Variants in DLG5 observed in about 807,000 individuals in gnomAD.
DLG5 encodes disks large homolog 5.
In DLG5, 48 loss-of-function variants were observed where a neutral mutation model predicts 189.8. The ratio of observed to expected loss-of-function variants is 0.25; its 90% CI spans 0.20 to 0.32. The LOEUF (loss-of-function observed/expected upper bound fraction) is 0.32, where lower values mean the gene tolerates loss of function less well. DLG5 is among the 10% of genes least tolerant of loss of function. The probability of loss-of-function intolerance (pLI) is 1.00; values close to 1 mark genes in which losing one functional copy is unlikely to be tolerated. For missense variants in DLG5, 2,160 were observed against 2,544.7 expected, an observed-to-expected ratio of 0.85 and a Z score of 3.25; for synonymous variants, 1,016 against 1,054.1, an observed-to-expected ratio of 0.96 and a Z score of 0.70.
intron 1 of DLG5, among the ~76,000 whole-genome samples, chr10:77,886,951 G>A (rs764475238): frequency 4.6e-5 from 7 of 152,266 alleles, no homozygotes; most frequent in East Asian, 3.9e-4. Context: ...CCCATCTGAC[G>A]CCCTGACCTT....
intron 1 of DLG5, among the ~76,000 whole-genome samples, chr10:77,907,747 A>C (rs1161781960): frequency 6.6e-6 from 1 of 152,184 alleles, no homozygotes; most frequent in Non-Finnish European, 1.5e-5. Context: ...CAATTTGGCC[A>C]TGGTCACGGT....
In DLG5 at chr10:77,792,089, C is replaced by T; in HGVS notation, c.*351G>A. ...GGCAACATGGAGCCGTTCAAGTAAACATAAACCACCAAATACTTAGAAAAG... is the reference window on the plus strand; with the variant it reads ...GGCAACATGGAGCCGTTCAAGTAAATATAAACCACCAAATACTTAGAAAAG... On this transcript the variant is annotated 3_prime_UTR_variant, in exon 32 of 32. Coordinates refer to ENST00000372391, the MANE Select transcript of DLG5 (RefSeq NM_004747.4). 2 of 263,448 alleles carry T rather than the reference C, an allele frequency of 7.6e-6. No homozygotes were observed. The highest frequency in any genetic ancestry group is 1.4e-5 in the Non-Finnish European group (2 of 138,446). The allele number at this position is 263,448 out of a possible 1,614,324, so 16.3% of individuals were successfully genotyped here.
At chr10:77,856,501 A>G (rs1021772322) in intron 3 of DLG5, among the ~76,000 whole-genome samples, 2 of 152,072 alleles carry the variant, frequency 1.3e-5, no homozygotes, top group Non-Finnish European at 2.9e-5. Context: ...GCACACAAGC[A>G]CACCACTATC....
chr10:77,890,734 C>G (rs1427336315), intron 1 of DLG5, among the ~76,000 whole-genome samples: 1 of 152,192 alleles, frequency 6.6e-6, no homozygotes. Context: ...CAAGGTAGCG[C>G]TGGAGTAGTT....
At chr10:77,915,991 T>C (rs1846346201) in intron 1 of DLG5, among the ~76,000 whole-genome samples, 1 of 151,990 alleles carries the variant, frequency 6.6e-6, no homozygotes, top group Non-Finnish European at 1.5e-5. Context: ...TATTCAATAA[T>C]GGATTGTTTG....
the DLG5 span, among the ~76,000 whole-genome samples, chr10:77,932,972 T>C: frequency 2.6e-5 from 4 of 152,300 alleles, no homozygotes; most frequent in Admixed American, 2.6e-4. Flanking sequence ...AGAAAAAAGA[T>C]GCCCCTGCTC....
chr10:77,822,622 G>A (rs560654202), intron 14 of DLG5, among the ~76,000 whole-genome samples: 2 of 152,208 alleles, frequency 1.3e-5, no homozygotes, highest in Non-Finnish European at 1.5e-5. Flanking sequence ...CAGTCTGGGC[G>A]ACACAATGAG....
At chr10:77,900,011 G>T (rs144919526) in intron 1 of DLG5, among the ~76,000 whole-genome samples, 2 of 152,314 alleles carry the variant, frequency 1.3e-5, no homozygotes, top group African/African-American at 2.4e-5. Context: ...GACTTTAAAA[G>T]GAAGAGATAA....
chr10:77,825,501 C>T (rs1402151334), intron 13 of DLG5, among the ~76,000 whole-genome samples: 1 of 151,854 alleles, frequency 6.6e-6, no homozygotes, highest in Non-Finnish European at 1.5e-5. Context: ...GTACATAGGA[C>T]CCCCCTGTAC....
chr10:77,881,986 C>A (rs1031441178), intron 1 of DLG5, among the ~76,000 whole-genome samples: 1 of 152,076 alleles, frequency 6.6e-6, no homozygotes. Flanking sequence ...TTTCTGCCCC[C>A]TCTTTCTTCA....
At chr10:77,930,099 C>T (rs1048504928), upstream of DLG5, among the ~76,000 whole-genome samples, 4 of 152,132 alleles carry the variant, frequency 2.6e-5, no homozygotes, top group Non-Finnish European at 4.4e-5. Flanking sequence ...GTGTATCCCT[C>T]TCCTCCCCTG....
In DLG5 at chr10:77,835,851, C is replaced by T. The variant is rs1340124466; in HGVS notation, c.1509G>A (p.Lys503=). ...CTTCCTTCAGCTCCTGGCACAGAGC[C>T]TTGCACTGCTTTCGAAGGATTTCAA... ...KEVEILRKQC[K]ALCQELKEAL... The change falls in exon 8 of 32, where the codon AAG becomes AAA. Residue 503 remains lysine, a synonymous_variant. Transcript: ENST00000372391. 1.9e-6 allele frequency: 3 copies of T among 1,614,092 alleles called. No individual in the cohort carries two copies. The highest frequency in any genetic ancestry group is 2.2e-5 in the East Asian group (1 of 44,876).
chr10:77,820,986 G>T, intron 15 of DLG5, 96 bp downstream of exon 15: 1 of 1,468,308 alleles, frequency 6.8e-7, no homozygotes, highest in Non-Finnish European at 9.1e-7. Context: ...CTAAACAGGG[G>T]CCTGGGACAC....
intron 1 of DLG5, among the ~76,000 whole-genome samples, chr10:77,885,589 T>G (rs1358703731): frequency 6.6e-6 from 1 of 152,186 alleles, no homozygotes; most frequent in East Asian, 1.9e-4. Context: ...CTCCTGACCC[T>G]CTGGCCATTT....
intron 5 of DLG5, among the ~76,000 whole-genome samples, chr10:77,848,951 C>T (rs1301310323): frequency 3.3e-5 from 5 of 152,042 alleles, no homozygotes; most frequent in East Asian, 3.9e-4. Flanking sequence ...GCAAAAACAC[C>T]CTCTACTTAG....
chr10:77,877,449 C>T (rs1314893398), intron 1 of DLG5, among the ~76,000 whole-genome samples: 2 of 152,150 alleles, frequency 1.3e-5, no homozygotes, highest in South Asian at 2.1e-4. Context: ...TCTTCATCAG[C>T]GAAGCAAAGG....
intron 1 of DLG5, among the ~76,000 whole-genome samples, chr10:77,875,878 C>A (rs1845072000): frequency 6.6e-6 from 1 of 151,742 alleles, no homozygotes; most frequent in African/African-American, 2.4e-5. Flanking sequence ...AGGGGCTCGG[C>A]CTCCTACCCT....
intron 1 of DLG5, among the ~76,000 whole-genome samples, chr10:77,919,655 C>T (rs572490933): frequency 8.0e-6 from 1 of 125,360 alleles, no homozygotes; most frequent in Non-Finnish European, 1.6e-5. Flanking sequence ...ATCAAGTTGA[C>T]ATTCAAATTC....
At chr10:77,877,185 G>T (rs1270302428) in intron 1 of DLG5, among the ~76,000 whole-genome samples, 1 of 151,838 alleles carries the variant, frequency 6.6e-6, no homozygotes, top group Non-Finnish European at 1.5e-5. Flanking sequence ...ATGCCCCAAG[G>T]CAAAAATATG....
Sources: allele counts gnomAD v4.1 joint callset (sites outside exome capture counted in the v4.1 genomes callset), GRCh38; gene constraint gnomAD v4.1.1; transcripts MANE v1.5; gene names NCBI Gene and HGNC (gene_info 2026-07-23, HGNC 2026-07-21).